ARHGAP22: variants seen among roughly 807,000 people sequenced by gnomAD.
ARHGAP22 encodes the protein rho GTPase-activating protein 22.
ARHGAP22 carries 48 observed loss-of-function variants against 59.1 expected under a neutral mutation model. The observed-to-expected ratio is 0.81, with a 90% CI of 0.64 to 1.03. The LOEUF (loss-of-function observed/expected upper bound fraction) is 1.03. ARHGAP22 is among the 50% of genes least tolerant of loss of function. The probability of loss-of-function intolerance (pLI) is 0.00; values close to 1 mark genes in which losing one functional copy is unlikely to be tolerated. For synonymous variants in ARHGAP22, 445 were observed against 416.4 expected, an observed-to-expected ratio of 1.07 and a Z score of -0.84; for missense variants, 1,015 against 958.7, an observed-to-expected ratio of 1.06 and a Z score of -0.78.
intron 3 of ARHGAP22, among the ~76,000 whole-genome samples, chr10:48,531,173 G>A (rs2054809619): frequency 3.3e-5 from 5 of 152,162 alleles, no homozygotes; most frequent in Admixed American, 1.3e-4. Context: ...ACTCAGGAAT[G>A]GAAAAGCAAA....
chr10:48,504,650 C>T (rs140338035), intron 3 of ARHGAP22, among the ~76,000 whole-genome samples: 2 of 152,072 alleles, frequency 1.3e-5, no homozygotes, highest in Admixed American at 6.5e-5. Flanking sequence ...GCAAAGGCCC[C>T]GAGGTGGGAA....
At chr10:48,494,309 C>A (rs1161646382) in intron 3 of ARHGAP22, among the ~76,000 whole-genome samples, 1 of 152,188 alleles carries the variant, frequency 6.6e-6, no homozygotes, top group African/African-American at 2.4e-5. Flanking sequence ...TATGGTGTCT[C>A]CCTTGCCTCT....
rs574793336 is a variant in ARHGAP22, at chr10:48,503,037, C to T, written c.323-23273G>A. Among the ~76,000 whole-genome samples the T allele has an allele frequency of 8.5e-5, 13 of 152,360 alleles. 1 individual carries two copies. The highest frequency in any genetic ancestry group is 5.2e-4 in the Admixed American group (8 of 15,312). On this transcript the variant is annotated intron_variant, in intron 3 of 9. Coordinates refer to ENST00000249601, the MANE Select transcript of ARHGAP22 (RefSeq NM_021226.4). ...TCGCCTGGCTCTGAGGCTGATTGGA[C>T]GAGGCCCCCTCGTCTCCTGACCTTG...
chr10:48,528,265 C>T (rs1016952909), intron 3 of ARHGAP22, among the ~76,000 whole-genome samples: 1 of 152,138 alleles, frequency 6.6e-6, no homozygotes, highest in Non-Finnish European at 1.5e-5. Flanking sequence ...TCCAAGGCAC[C>T]CTCACAGCAC....
At chr10:48,655,016 T>TCTCCCTCTCCCTC (rs2062731214), upstream of ARHGAP22, among the ~76,000 whole-genome samples, 2 of 65,606 alleles carry the variant, frequency 3.0e-5, no homozygotes, top group African/African-American at 1.2e-4. Context: ...TTCTCTTTCT[T>TCTCCCTCTCCCTC]TCTTTCTTTC....
At chr10:48,591,260 T>A (rs1298610117) in intron 1 of ARHGAP22, among the ~76,000 whole-genome samples, 1 of 152,178 alleles carries the variant, frequency 6.6e-6, no homozygotes, top group Non-Finnish European at 1.5e-5. Context: ...GTCAAAACCC[T>A]GGGTGTAGGC....
chr10:48,605,140 G>A, upstream of ARHGAP22: 2 of 1,197,544 alleles, frequency 1.7e-6, no homozygotes, highest in Non-Finnish European at 2.1e-6. Flanking sequence ...CTGAGCGCGG[G>A]GGCGGGGCGG....
upstream of ARHGAP22, among the ~76,000 whole-genome samples, chr10:48,609,923 T>C (rs1204689677): frequency 6.6e-6 from 1 of 152,238 alleles, no homozygotes; most frequent in Non-Finnish European, 1.5e-5. Context: ...AACTGTGGGA[T>C]TCATCAAAGG....
intron 1 of ARHGAP22, among the ~76,000 whole-genome samples, chr10:48,589,454 G>T (rs2135725957): frequency 6.6e-6 from 1 of 152,220 alleles, no homozygotes; most frequent in Middle Eastern, 3.4e-3. Context: ...ATCTTACTCA[G>T]GAGCTTCAGA....
intron 1 of ARHGAP22, among the ~76,000 whole-genome samples, chr10:48,589,817 G>C (rs3851551): frequency 0.73 from 111,447 of 152,002 alleles, 41,357 homozygotes; most frequent in East Asian, 0.99. Context: ...AGCTACTAAG[G>C]GAGCTACACA....
chr10:48,648,828 G>A (rs1451646412), intron 1 of ARHGAP22, among the ~76,000 whole-genome samples: 5 of 152,184 alleles, frequency 3.3e-5, no homozygotes, highest in Non-Finnish European at 5.9e-5. Flanking sequence ...CAAGGCGGGT[G>A]CCAGAGGAGG....
rs748154070 is a variant in ARHGAP22 at position 48,446,609 on chromosome 10, C to A, written c.1879G>T (p.Gly627Trp). The A allele has an allele frequency of 1.9e-6, 3 of 1,613,920 alleles. No individual in the cohort carries two copies. Among genetic ancestry groups the A allele is most frequent in the Non-Finnish European group, 2.5e-6 (3 of 1,179,896 alleles). ...YERSVKRIEEGSADLRKRMSR... is the reference protein window; with the variant it reads ...YERSVKRIEEWSADLRKRMSR... Reference sequence around the variant, plus strand: ...ATTCGTTTTCTCAGGTCAGCACTCCCTTCTTCGATTCTGAAAAGTCAAGGA... The same window carrying A: ...ATTCGTTTTCTCAGGTCAGCACTCCATTCTTCGATTCTGAAAAGTCAAGGA... The change falls in exon 10 of 10, where the codon GGG (glycine) becomes TGG (tryptophan). Residue 627 changes from glycine (G) to tryptophan (W), a missense_variant. Physicochemically the swap from Gly to Trp is radical, Grantham distance 184. Transcript: ENST00000249601.
intron 3 of ARHGAP22, among the ~76,000 whole-genome samples, chr10:48,511,314 T>C (rs2052744372): frequency 6.6e-6 from 1 of 152,172 alleles, no homozygotes; most frequent in South Asian, 2.1e-4. Flanking sequence ...CCCAGAGAGC[T>C]CAGGCACATG....
exon 1 of ARHGAP22, chr10:48,652,410 AT>A (rs2136223607): frequency 1.3e-6 from 1 of 788,992 alleles, no homozygotes; most frequent in African/African-American, 1.7e-5. Flanking sequence ...TAGAAAAGAA[AT>A]ATATTTAGAA....
intron 2 of ARHGAP22, among the ~76,000 whole-genome samples, chr10:48,571,900 G>A (rs1267639139): frequency 3.3e-5 from 5 of 152,108 alleles, no homozygotes; most frequent in South Asian, 2.1e-4. Context: ...GAATGGTGGC[G>A]GCTTTTCAGA....
chr10:48,498,534 G>T (rs778952156), intron 3 of ARHGAP22, among the ~76,000 whole-genome samples: 3 of 152,144 alleles, frequency 2.0e-5, no homozygotes, highest in Admixed American at 6.5e-5. Context: ...CCAAGCAGTG[G>T]CCCCGCTGCA....
chr10:48,440,236 G>A, the ARHGAP22 span, among the ~76,000 whole-genome samples: 1 of 151,982 alleles, frequency 6.6e-6, no homozygotes, highest in African/African-American at 2.4e-5. Context: ...GCTGTTAATG[G>A]TTATATACCA....
At position 48,459,736 on chromosome 10, in the gene ARHGAP22, CCAGGTTGGCCTGGCCTGGCATGCGGAA is replaced by C. The variant is rs1479388612; in HGVS notation, c.580_606del (p.Phe194_Leu202del). The C allele has an allele frequency of 2.5e-6, 4 of 1,614,174 alleles. No homozygotes were observed. Among genetic ancestry groups the C allele is most frequent in the Non-Finnish European group, 3.4e-6 (4 of 1,180,034 alleles). On this transcript the variant is annotated inframe_deletion, in exon 5 of 10. Transcript: ENST00000249601. ...TCGAAGGAATCCTGCAGGTCCCTCA[CCAGGTTGGCCTGGCCTGGCATGCGGAA>C]CAGCCCCTCCTCAGTGAGCCCGCGC...
At chr10:48,529,548 T>A (rs887126137) in intron 3 of ARHGAP22, among the ~76,000 whole-genome samples, 1 of 152,112 alleles carries the variant, frequency 6.6e-6, no homozygotes, top group African/African-American at 2.4e-5. Flanking sequence ...CCTAGCAATG[T>A]GGAGAGGCCA....
Sources: gnomAD v4.1 joint callset for allele counts (sites outside exome capture counted in the v4.1 genomes callset) on GRCh38, gnomAD v4.1.1 for gene constraint, MANE v1.5 for transcripts, NCBI Gene and HGNC (gene_info 2026-07-23, HGNC 2026-07-21) for gene names.